FNDC1: variants seen among roughly 807,000 people sequenced by gnomAD.
FNDC1 encodes fibronectin type III domain-containing protein 1.
FNDC1 carries 96 observed loss-of-function variants against 168.0 expected under a neutral mutation model. The ratio of observed to expected loss-of-function variants is 0.57; its 90% confidence interval spans 0.48 to 0.68. The LOEUF is 0.68. FNDC1 is among the 30% of genes least tolerant of loss of function. FNDC1 has a pLI of 0.00. For missense variants in FNDC1, 2,587 were observed against 2,482.1 expected, an observed-to-expected ratio of 1.04 and a Z score of -0.90; for synonymous variants, 1,099 against 1,025.9, an observed-to-expected ratio of 1.07 and a Z score of -1.36.
At chr6:159,258,308 A>G (rs9355708) in intron 18 of FNDC1, among the ~76,000 whole-genome samples, 13,317 of 152,154 alleles carry the variant, frequency 0.088, 1,073 homozygotes, top group East Asian at 0.32. Flanking sequence ...AAAAAACAAC[A>G]TAAATATAAA....
At chr6:159,190,016 G>C (rs1358835527) in intron 1 of FNDC1, among the ~76,000 whole-genome samples, 2 of 152,216 alleles carry the variant, frequency 1.3e-5, no homozygotes, top group Non-Finnish European at 2.9e-5. Context: ...GCTAAAGAAT[G>C]AGTTTTACCC....
At chr6:159,262,149 G>A (rs1777500388) in intron 19 of FNDC1, among the ~76,000 whole-genome samples, 1 of 152,236 alleles carries the variant, frequency 6.6e-6, no homozygotes, top group African/African-American at 2.4e-5. Context: ...TGTAGCACAT[G>A]CAGAGCCAGC....
chr6:159,223,438 G>T, intron 6 of FNDC1, 90 bp from the exon 7 acceptor site: 1 of 664,602 alleles, frequency 1.5e-6, no homozygotes, highest in Non-Finnish European at 2.6e-6. Context: ...AACTTATGCA[G>T]GGTGAATAAT....
At chr6:159,248,445 A>G (rs957156498) in intron 15 of FNDC1, among the ~76,000 whole-genome samples, 1 of 151,966 alleles carries the variant, frequency 6.6e-6, no homozygotes, top group African/African-American at 2.4e-5. Context: ...AGCTGGGACT[A>G]CAGGTGTGCG....
At position 159,221,677 on chromosome 6, in the gene FNDC1, A is replaced by G. The variant is rs1012619724; in HGVS notation, c.747A>G (p.Leu249=). 6.2e-7 allele frequency: 1 copy of G among 1,613,926 alleles called. No individual in the cohort carries two copies. Among genetic ancestry groups the G allele is most frequent in the Non-Finnish European group, 8.5e-7 (1 of 1,179,772 alleles). ...GRSQPVYRAA[L]TKRKISEEDE... ...GCCAACCAGTCTACAGGGCTGCCCT[A>G]ACAAAGCGAAAGATTTCAGGTATGT... Residue 249 remains leucine, a synonymous_variant, in exon 6 of 23, where the codon CTA becomes CTG. Coordinates refer to ENST00000297267, the MANE Select transcript of FNDC1 (RefSeq NM_032532.3).
intron 1 of FNDC1, among the ~76,000 whole-genome samples, chr6:159,195,572 T>C (rs2114942722): frequency 6.6e-6 from 1 of 152,316 alleles, no homozygotes; most frequent in East Asian, 1.9e-4. Context: ...GGCAAAGCCA[T>C]GTTTGTAGTT....
At position 159,233,908 on chromosome 6, in the gene FNDC1, G is replaced by A. The variant is rs531581222; in HGVS notation, c.3396G>A (p.Ala1132=). The A allele has an allele frequency of 1.9e-6, 3 of 1,547,706 alleles. No individual in the cohort carries two copies. The South Asian group carries it at 3.6e-5, about 18-fold the overall frequency. ...ACCACAGGTCCCAGCGCGGACATGC[G>A]GCCTCCCCCGCCAGGCCCAGCCGAC... is the stretch of plus-strand genomic sequence containing the variant. ...GGDHRSQRGH[A]ASPARPSRPG... Residue 1132 remains alanine (A), a synonymous_variant, in exon 11 of 23, where the codon GCG becomes GCA. Coordinates refer to ENST00000297267, the MANE Select transcript of FNDC1 (RefSeq NM_032532.3). The surrounding 1 kb of genome is among the most constrained non-coding windows in gnomAD (Gnocchi z 4.6).
At position 159,234,039 on chromosome 6, in the gene FNDC1, C is replaced by G; in HGVS notation, c.3527C>G (p.Ser1176Ter). The change falls in exon 11 of 23, where the codon TCA (serine) becomes TGA (stop). Residue 1176 changes from serine to a stop codon, truncating the protein, a stop_gained. Coordinates refer to ENST00000297267, the MANE Select transcript of FNDC1 (RefSeq NM_032532.3). LOFTEE classifies it high-confidence loss of function. ...TCCTCCAAGTCCCAGCAGTCGGTCT[C>G]AGCCGAGGACGACGAGGAGGAGGAC... Reference protein sequence around the residue: ...PLSSKSQQSVSAEDDEEEDAG... With the variant: ...PLSSKSQQSV The G allele has an allele frequency of 6.2e-7, 1 of 1,612,110 alleles. No homozygotes were observed. The highest frequency in any genetic ancestry group is 1.1e-5 in the South Asian group (1 of 90,762).
At chr6:159,237,385 T>C (rs181797945) in intron 12 of FNDC1, among the ~76,000 whole-genome samples, 48 of 152,272 alleles carry the variant, frequency 3.2e-4, no homozygotes, top group African/African-American at 1.1e-3. Flanking sequence ...GATTTGAGTA[T>C]CTGACAAGTT....
At chr6:159,179,016 G>A (rs1213446530) in intron 1 of FNDC1, among the ~76,000 whole-genome samples, 1 of 152,202 alleles carries the variant, frequency 6.6e-6, no homozygotes, top group Non-Finnish European at 1.5e-5. Flanking sequence ...GACTGTGCAT[G>A]ATCCTTTCCA....
At chr6:159,214,662 A>G (rs1378696537) in intron 4 of FNDC1, among the ~76,000 whole-genome samples, 1 of 152,360 alleles carries the variant, frequency 6.6e-6, no homozygotes, top group Admixed American at 6.5e-5. Flanking sequence ...ATAAAAAGGG[A>G]CACTGTAAAA....
chr6:159,202,904 G>A (rs1782408518), intron 4 of FNDC1, among the ~76,000 whole-genome samples: 1 of 152,164 alleles, frequency 6.6e-6, no homozygotes, highest in Non-Finnish European at 1.5e-5. Flanking sequence ...CCACAGACTG[G>A]TGGCTTAGAA....
Position 159,233,814 on chromosome 6 carries a change from A to T in FNDC1, c.3302A>T (p.Lys1101Met). The T allele has an allele frequency of 6.5e-7, 1 of 1,539,402 alleles. No homozygotes were observed. Residue 1101 changes from lysine (K) to methionine (M), a missense_variant, in exon 11 of 23, where the codon AAG becomes ATG. Lys to Met is a moderately conservative substitution (Grantham distance 95). Transcript: ENST00000297267. This position sits in a 1 kb window ranked among gnomAD's most constrained non-coding sequence, Gnocchi z 4.6. ...VRAPAHAARA[K>M]EAAASLPKHQ... ...GCCCCCGCGCACGCCGCGCGCGCCA[A>T]GGAGGCAGCTGCGTCCCTTCCCAAG...
At chr6:159,268,624 A>C (rs1777639615) in intron 22 of FNDC1, among the ~76,000 whole-genome samples, 1 of 151,926 alleles carries the variant, frequency 6.6e-6, no homozygotes, top group Non-Finnish European at 1.5e-5. Context: ...CTATCTACTC[A>C]ACTACCTATC....
intron 2 of FNDC1, among the ~76,000 whole-genome samples, chr6:159,198,237 G>A (rs1782292998): frequency 6.6e-6 from 1 of 152,212 alleles, no homozygotes; most frequent in Non-Finnish European, 1.5e-5. Context: ...TTTGATTCCA[G>A]TAACCTAAAG....
intron 16 of FNDC1, among the ~76,000 whole-genome samples, chr6:159,250,524 C>T (rs768454910): frequency 3.3e-5 from 5 of 152,158 alleles, no homozygotes; most frequent in Non-Finnish European, 7.3e-5. Flanking sequence ...AAGTCCTTGG[C>T]ATTTCTAATT....
chr6:159,243,322 T>TC (rs1482176012), intron 14 of FNDC1: 4 of 152,204 alleles, frequency 2.6e-5, no homozygotes, highest in Non-Finnish European at 4.4e-5. Flanking sequence ...AAACAGATCT[T>TC]CCCCACCACA....
chr6:159,256,572 G>T lies in FNDC1; in HGVS notation c.5115G>T (p.Trp1705Cys). The change falls in exon 18 of 23, where the codon TGG becomes TGT. Residue 1705 changes from tryptophan (W) to cysteine (C), a missense_variant. Coordinates refer to ENST00000297267, the MANE Select transcript of FNDC1 (RefSeq NM_032532.3). The part of the protein sequence containing the change: ...ASYEDFIRNK[W>C]STQASSVTHL... ...ATGAAGACTTCATCAGGAACAAGTG[G>T]TCCACTCAAGCTTCATCAGTAACTC... The T allele has an allele frequency of 6.2e-7, 1 of 1,613,974 alleles. No homozygotes were observed. The highest frequency in any genetic ancestry group is 8.5e-7 in the Non-Finnish European group (1 of 1,179,866).
In FNDC1 at chr6:159,232,930, G is replaced by C. The variant is rs199900473; in HGVS notation, c.2418G>C (p.Gln806His). Reference sequence around the variant, plus strand: ...GAAGGCAGGCGGAGGCCACGGCCCAGACGCTGCGGGCCCGGCCTGCCTCTG... The same window carrying C: ...GAAGGCAGGCGGAGGCCACGGCCCACACGCTGCGGGCCCGGCCTGCCTCTG... Reference protein sequence around the residue: ...DGGRQAEATAQTLRARPASGH... With the variant: ...DGGRQAEATAHTLRARPASGH... Residue 806 changes from glutamine to histidine, a missense_variant, in exon 11 of 23, where the codon CAG (glutamine) becomes CAC (histidine). Transcript: ENST00000297267. The surrounding 1 kb of genome is among the most constrained non-coding windows in gnomAD (Gnocchi z 4.9). The C allele has an allele frequency of 6.2e-7, 1 of 1,610,598 alleles. No homozygotes were observed. The highest frequency in any genetic ancestry group is 1.7e-5 in the Admixed American group (1 of 59,836).
Sources: allele counts gnomAD v4.1 joint callset (sites outside exome capture counted in the v4.1 genomes callset), GRCh38; gene constraint gnomAD v4.1.1; non-coding constraint Gnocchi (gnomAD v3.1); transcripts MANE v1.5; gene names NCBI Gene and HGNC (gene_info 2026-07-23, HGNC 2026-07-21).